NCF2: variants seen among roughly 807,000 people sequenced by gnomAD.
NCF2 encodes neutrophil cytosol factor 2.
A neutral mutation model predicts 70.9 loss-of-function variants in NCF2; 45 were observed. That is an observed-to-expected ratio of 0.63 (90% CI 0.50 to 0.81). NCF2 has a LOEUF of 0.81. NCF2 is among the 40% of genes least tolerant of loss of function. NCF2 has a pLI of 0.00. For missense variants in NCF2, 522 were observed against 631.6 expected, an observed-to-expected ratio of 0.83 and a Z score of 1.86; for synonymous variants, 203 against 233.6, an observed-to-expected ratio of 0.87 and a Z score of 1.19.
At chr1:183,557,562 A>G (rs1190739606) in intron 14 of NCF2, among the ~76,000 whole-genome samples, 1 of 151,852 alleles carries the variant, frequency 6.6e-6, no homozygotes, top group African/African-American at 2.4e-5. Context: ...ATGCAATTGA[A>G]CTCCCCTCTG....
rs570586237 is a variant in NCF2, at chr1:183,587,261, G to A, written c.175-284C>T. Among the ~76,000 whole-genome samples the A allele has an allele frequency of 1.4e-4, 21 of 152,246 alleles. No homozygotes were observed. In the South Asian group the frequency reaches 3.7e-3, roughly 27 times the overall value. On this transcript the variant is annotated intron_variant, in intron 1 of 14. Transcript: ENST00000367535. ...GCCATACATATACCATCTGATTTCT[G>A]CTTTTGTTAGTCATATATGGCCTAG...
chr1:183,570,386 C>G (rs1171139773), intron 6 of NCF2, among the ~76,000 whole-genome samples: 1 of 152,242 alleles, frequency 6.6e-6, no homozygotes, highest in African/African-American at 2.4e-5. Flanking sequence ...AAACCTCAGG[C>G]CCAGGCCCCA....
chr1:183,563,716 G>A (rs1672182051), intron 11 of NCF2, 131 bp from the exon 12 acceptor site: 2 of 1,179,568 alleles, frequency 1.7e-6, no homozygotes, highest in Non-Finnish European at 1.2e-6. Flanking sequence ...TAAGTAACTG[G>A]TTTCACAGTA....
upstream of NCF2, among the ~76,000 whole-genome samples, chr1:183,594,259 T>C (rs1673733605): frequency 1.7e-5 from 2 of 117,412 alleles, no homozygotes; most frequent in African/African-American, 6.6e-5. Context: ...ACACTAAAAA[T>C]TAGCCAGGCA....
At chr1:183,574,980 C>T (rs1338043563) in intron 3 of NCF2, among the ~76,000 whole-genome samples, 1 of 152,218 alleles carries the variant, frequency 6.6e-6, no homozygotes, top group Admixed American at 6.5e-5. Context: ...AAAAGAGTGA[C>T]TTGCTCAAGG....
intron 2 of NCF2, among the ~76,000 whole-genome samples, chr1:183,580,081 C>T (rs942846199): frequency 4.6e-5 from 7 of 152,138 alleles, no homozygotes; most frequent in African/African-American, 9.7e-5. Context: ...TCATAAGGAA[C>T]GGGTGCCAGT....
intron 2 of NCF2, among the ~76,000 whole-genome samples, chr1:183,581,978 G>A (rs1673136937): frequency 6.6e-6 from 1 of 152,128 alleles, no homozygotes; most frequent in Admixed American, 6.5e-5. Context: ...ACTAAGTGTC[G>A]TTTTTAAACA....
At chr1:183,600,205 G>A in the NCF2 span, among the ~76,000 whole-genome samples, 49 of 152,258 alleles carry the variant, frequency 3.2e-4, no homozygotes, top group Admixed American at 5.9e-4. Flanking sequence ...CCCAAACATC[G>A]GAAGATGACA....
chr1:183,588,765 G>A (rs1198147930), intron 1 of NCF2, among the ~76,000 whole-genome samples: 3 of 152,228 alleles, frequency 2.0e-5, no homozygotes, highest in African/African-American at 7.2e-5. Context: ...GAATGAGAAG[G>A]CTAGAAGCAG....
intron 3 of NCF2, 63 bp from the exon 4 acceptor site, chr1:183,574,684 G>A: frequency 6.3e-7 from 1 of 1,582,238 alleles, no homozygotes; most frequent in Non-Finnish European, 8.7e-7. Context: ...GCCAGGGAAA[G>A]GCTCACACGT....
chr1:183,579,067 C>G (rs1335695180), intron 2 of NCF2, among the ~76,000 whole-genome samples: 1 of 152,232 alleles, frequency 6.6e-6, no homozygotes, highest in African/African-American at 2.4e-5. Context: ...CCAGAGCTAC[C>G]AACCCGGCTT....
chr1:183,600,733 C>A, the NCF2 span, among the ~76,000 whole-genome samples: 2 of 151,952 alleles, frequency 1.3e-5, no homozygotes. Context: ...TCAGGACAGT[C>A]AGCAACATGG....
chr1:183,601,790 G>T, the NCF2 span, among the ~76,000 whole-genome samples: 1 of 151,764 alleles, frequency 6.6e-6, no homozygotes, highest in Admixed American at 6.6e-5. Context: ...CCCAGGAGGC[G>T]GAGCTTGCAG....
At chr1:183,590,499 A>G, upstream of NCF2, 1 of 731,684 alleles carries the variant, frequency 1.4e-6, no homozygotes, top group Non-Finnish European at 2.4e-6. Flanking sequence ...CAGTGTTGCA[A>G]ATGCATCAGG....
chr1:183,582,937 C>T (rs993337673), intron 2 of NCF2, among the ~76,000 whole-genome samples: 2 of 150,592 alleles, frequency 1.3e-5, no homozygotes, highest in Non-Finnish European at 2.9e-5. Context: ...TTTATAATGA[C>T]GGAAGAGCAA....
At chr1:183,575,951 T>A (rs1672782910) in intron 3 of NCF2, among the ~76,000 whole-genome samples, 1 of 152,228 alleles carries the variant, frequency 6.6e-6, no homozygotes, top group Non-Finnish European at 1.5e-5. Flanking sequence ...GCCTTCTGAA[T>A]TCGTTGGCTT....
At chr1:183,564,151 T>G (rs1405172164) in intron 10 of NCF2, 121 bp from the exon 11 acceptor site, 1 of 978,818 alleles carries the variant, frequency 1.0e-6, no homozygotes, top group Non-Finnish European at 1.7e-6. Flanking sequence ...ACCCTTTAAT[T>G]TGTGGGGCAA....
chr1:183,560,323 C>T, intron 13 of NCF2, 50 bp from the exon 14 acceptor site: 10 of 1,585,428 alleles, frequency 6.3e-6, no homozygotes, highest in Non-Finnish European at 8.7e-6. Flanking sequence ...GCCAAGTGAA[C>T]ACTGAACATC....
chr1:183,560,165 T>C lies in NCF2; in HGVS notation c.1399A>G (p.Ser467Gly), dbSNP rs1437278244. 6.2e-7 allele frequency: 1 copy of C among 1,614,224 alleles called. No individual in the cohort carries two copies. The highest frequency in any genetic ancestry group is 1.1e-5 in the South Asian group (1 of 91,080). The change falls in exon 14 of 15, where the codon AGT becomes GGT. Residue 467 changes from serine to glycine, a missense_variant. Coordinates refer to ENST00000367535, the MANE Select transcript of NCF2 (RefSeq NM_000433.4). Reference sequence around the variant, plus strand: ...TCCTCTGGTTGGGTAGCCTCATAACTGAAGAGTGCCTCCACTTGGCTGCCT... The same window carrying C: ...TCCTCTGGTTGGGTAGCCTCATAACCGAAGAGTGCCTCCACTTGGCTGCCT... Reference protein sequence around the residue: ...KKGSQVEALFSYEATQPEDLE... With the variant: ...KKGSQVEALFGYEATQPEDLE...
Sources: gnomAD v4.1 joint callset for allele counts (sites outside exome capture counted in the v4.1 genomes callset) on GRCh38, gnomAD v4.1.1 for gene constraint, MANE v1.5 for transcripts, NCBI Gene and HGNC (gene_info 2026-07-23, HGNC 2026-07-21) for gene names.